The following HAO2 variants were observed in gnomAD, a reference collection of about 807,000 sequenced individuals.
The protein encoded by HAO2 is 2-Hydroxyacid oxidase 2.
Under a neutral mutation model 37.4 loss-of-function variants are expected in HAO2, and 42 were observed. The observed-to-expected ratio is 1.12, with a 90% CI of 0.88 to 1.45. HAO2 has a LOEUF of 1.45. HAO2 is among the 40% of genes most tolerant of loss of function. The pLI is 0.00. For synonymous variants in HAO2, 180 were observed against 162.8 expected (o/e 1.11, Z -0.81); for missense variants, 476 against 430.2 (o/e 1.11, Z -0.94).
chr1:119,376,404 C>T (rs1649474188), intron 1 of HAO2, among the ~76,000 whole-genome samples: 1 of 152,226 alleles, frequency 6.6e-6, no homozygotes, highest in Non-Finnish European at 1.5e-5. Flanking sequence ...AGGGTACAGC[C>T]TCTCTTCTGG....
intron 5 of HAO2, among the ~76,000 whole-genome samples, chr1:119,388,923 C>A (rs79174438): frequency 0.039 from 5,833 of 150,554 alleles, 251 homozygotes; most frequent in East Asian, 0.19. Context: ...ATTCCCACCC[C>A]CTTCACACCC....
At position 119,384,894 on chromosome 1, in the gene HAO2, C is replaced by T; in HGVS notation, c.402C>T (p.Asp134=). 1.9e-6 allele frequency: 3 copies of T among 1,613,922 alleles called. No homozygotes were observed. Among genetic ancestry groups the T allele is most frequent in the Non-Finnish European group, 2.5e-6 (3 of 1,179,828 alleles). ...LRWFQLYVHP[D]LQLNKQLIQR... ...GGTTCCAACTCTATGTGCATCCAGACCTGCAGCTGAACAAACAGTTGATCC... is the reference window on the plus strand; with the variant it reads ...GGTTCCAACTCTATGTGCATCCAGATCTGCAGCTGAACAAACAGTTGATCC... Residue 134 remains aspartate, a synonymous_variant, in exon 4 of 8, where the codon GAC becomes GAT. Transcript: ENST00000325945.
At chr1:119,381,583 G>C (rs950588159) in intron 2 of HAO2, among the ~76,000 whole-genome samples, 3 of 152,116 alleles carry the variant, frequency 2.0e-5, no homozygotes, top group Non-Finnish European at 4.4e-5. Flanking sequence ...GAAGAAAATG[G>C]AAGACAGGAG....
intron 1 of HAO2, among the ~76,000 whole-genome samples, chr1:119,376,433 G>A (rs587719386): frequency 6.6e-6 from 1 of 152,316 alleles, no homozygotes; most frequent in African/African-American, 2.4e-5. Context: ...ACAGGCTAAT[G>A]TTGAGTGTCT....
chr1:119,394,102 T>G lies in HAO2; in HGVS notation c.*262T>G, dbSNP rs587659395. The G allele has an allele frequency of 5.3e-5, 64 of 1,206,090 alleles. No homozygotes were observed. The East Asian group carries it at 2.1e-3, about 40-fold the overall frequency. The allele number at this position is 1,206,090 out of a possible 1,614,324, so 74.7% of individuals were successfully genotyped here. The stretch of plus-strand genomic sequence containing the variant: ...AAATCTTCCTCTGAAGTAAAAGATC[T>G]CAAAAGGACAGATCATTAATGACTG... On this transcript the variant is annotated 3_prime_UTR_variant, in exon 8 of 8. Coordinates refer to ENST00000325945, the MANE Select transcript of HAO2 (RefSeq NM_016527.4).
Position 119,393,857 on chromosome 1 carries a change from A to T in HAO2, c.*17A>T. 1 of 1,612,598 alleles carries T rather than the reference A, an allele frequency of 6.2e-7. No homozygotes were observed. Among genetic ancestry groups the T allele is most frequent in the Non-Finnish European group, 8.5e-7 (1 of 1,178,868 alleles). ...AGGCTGTAAGAAAAAAGGGCCAATA[A>T]CCAGACTGCTGAGGTTGCCCACAGG... On this transcript the variant is annotated 3_prime_UTR_variant, in exon 8 of 8. Coordinates refer to ENST00000325945, the MANE Select transcript of HAO2 (RefSeq NM_016527.4).
intron 5 of HAO2, among the ~76,000 whole-genome samples, chr1:119,389,926 T>C (rs1205767044): frequency 6.6e-6 from 1 of 152,208 alleles, no homozygotes; most frequent in Non-Finnish European, 1.5e-5. Flanking sequence ...TTTCAGGTCT[T>C]AGAATTAAGT....
chr1:119,382,637 C>A (rs1650045096), intron 2 of HAO2, among the ~76,000 whole-genome samples: 1 of 152,180 alleles, frequency 6.6e-6, no homozygotes, highest in African/African-American at 2.4e-5. Flanking sequence ...AGACTTCTGA[C>A]AGAGCAAAGC....
In HAO2 at chr1:119,383,029, C is replaced by T. The variant is rs199612283; in HGVS notation, c.246C>T (p.Cys82=). 3.1e-6 allele frequency: 5 copies of T among 1,613,036 alleles called. No individual in the cohort carries two copies. The highest frequency in any genetic ancestry group is 4.2e-6 in the Non-Finnish European group (5 of 1,179,396). ...GTATCGCACCCACAGGGTTCCACTG[C>T]CTTGTCTGGCCTGATGGGGAAATGA... ...PICIAPTGFH[C]LVWPDGEMST... is the part of the protein sequence containing the mutation. Residue 82 remains cysteine, a synonymous_variant, in exon 3 of 8, where the codon TGC becomes TGT. Coordinates refer to ENST00000325945, the MANE Select transcript of HAO2 (RefSeq NM_016527.4).
At chr1:119,383,352 C>G (rs906918863) in intron 3 of HAO2, among the ~76,000 whole-genome samples, 3 of 152,348 alleles carry the variant, frequency 2.0e-5, no homozygotes, top group Admixed American at 2.0e-4. Flanking sequence ...GCTGGCCCTT[C>G]TGGCTCACAC....
chr1:119,373,496 A>G (rs1286252586), intron 1 of HAO2, among the ~76,000 whole-genome samples: 3 of 152,176 alleles, frequency 2.0e-5, no homozygotes, highest in Non-Finnish European at 4.4e-5. Flanking sequence ...TCTTGGCTCC[A>G]TCAAGCAAGT....
At chr1:119,384,349 T>A (rs773550703) in intron 3 of HAO2, among the ~76,000 whole-genome samples, 4 of 152,192 alleles carry the variant, frequency 2.6e-5, no homozygotes, top group Non-Finnish European at 4.4e-5. Context: ...TCTTCTAATT[T>A]CATATGCTAT....
intron 1 of HAO2, among the ~76,000 whole-genome samples, chr1:119,371,610 T>C (rs908789778): frequency 1.3e-5 from 2 of 152,216 alleles, no homozygotes; most frequent in Non-Finnish European, 2.9e-5. Flanking sequence ...GCCACTGGAA[T>C]CGTGACACAT....
chr1:119,377,649 A>G (rs1325123728), intron 1 of HAO2, among the ~76,000 whole-genome samples: 1 of 152,254 alleles, frequency 6.6e-6, no homozygotes, highest in Non-Finnish European at 1.5e-5. Context: ...AACAGGCTTA[A>G]TGGACTTCCA....
chr1:119,385,167 G>T, intron 4 of HAO2, 114 bp downstream of exon 4: 1 of 1,459,744 alleles, frequency 6.9e-7, no homozygotes, highest in South Asian at 1.4e-5. Context: ...CACCTGCTCT[G>T]TGCCAGACAC....
Position 119,392,102 on chromosome 1 carries a change from C to T in HAO2, c.772-8C>T. On this transcript the variant is annotated splice_polypyrimidine_tract_variant and splice_region_variant and intron_variant, in intron 5 of 7. Transcript: ENST00000325945. ...AAGCCCTCCAGCCCATGTGTATCTC[C>T]TTTTCAGATTGATGCTTTGACAGAA... The T allele has an allele frequency of 6.2e-7, 1 of 1,610,480 alleles. No individual in the cohort carries two copies. The highest frequency in any genetic ancestry group is 8.5e-7 in the Non-Finnish European group (1 of 1,178,108).
chr1:119,393,038 G>A (rs757457121), intron 7 of HAO2, among the ~76,000 whole-genome samples: 2 of 152,062 alleles, frequency 1.3e-5, no homozygotes, highest in African/African-American at 4.8e-5. Context: ...TCCACTTTTA[G>A]GAAAAGACCC....
chr1:119,374,895 A>T (rs587666260), intron 1 of HAO2, among the ~76,000 whole-genome samples: 107 of 152,318 alleles, frequency 7.0e-4, no homozygotes, highest in Admixed American at 3.5e-3. Context: ...CTCAGTCAGG[A>T]GAGTTTGAAC....
At chr1:119,381,285 TA>T in intron 2 of HAO2, 69 bp downstream of exon 2, 1 of 1,090,268 alleles carries the variant, frequency 9.2e-7, no homozygotes, top group Non-Finnish European at 1.4e-6. Flanking sequence ...TGGACAGTAG[TA>T]GTCCTGGTTT....
Sources: allele counts gnomAD v4.1 joint callset (sites outside exome capture counted in the v4.1 genomes callset), GRCh38; gene constraint gnomAD v4.1.1; transcripts MANE v1.5; gene names NCBI Gene and HGNC (gene_info 2026-07-23, HGNC 2026-07-21).